CORIN: variants seen among roughly 807,000 people sequenced by gnomAD.
CORIN encodes the protein atrial natriuretic peptide-converting enzyme.
In CORIN, 117 loss-of-function variants were observed where a neutral mutation model predicts 125.3. The observed-to-expected ratio is 0.93, with a 90% CI of 0.80 to 1.09. The LOEUF (loss-of-function observed/expected upper bound fraction) is 1.09, where lower values mean the gene tolerates loss of function less well. Among genes scored for constraint, CORIN ranks in the 50% least tolerant of loss-of-function variants. The pLI is 0.00. For missense variants in CORIN, 1,253 were observed against 1,306.7 expected, an observed-to-expected ratio of 0.96 and a Z score of 0.63; for synonymous variants, 450 against 466.4, an observed-to-expected ratio of 0.96 and a Z score of 0.45.
chr4:47,821,866 G>A (rs931848655), intron 1 of CORIN, among the ~76,000 whole-genome samples: 1 of 152,148 alleles, frequency 6.6e-6, no homozygotes, highest in African/African-American at 2.4e-5. Flanking sequence ...ATTTAAAAGA[G>A]TTCTATAAAT....
At chr4:47,684,069 G>A (rs1018817089) in intron 6 of CORIN, among the ~76,000 whole-genome samples, 1 of 152,122 alleles carries the variant, frequency 6.6e-6, no homozygotes, top group African/African-American at 2.4e-5. Context: ...GTGTTTCTCT[G>A]ACTTCTATTT....
chr4:47,789,494 A>C (rs535942202), intron 2 of CORIN, among the ~76,000 whole-genome samples: 2 of 152,294 alleles, frequency 1.3e-5, no homozygotes, highest in South Asian at 4.1e-4. Context: ...GAAAGATAAT[A>C]TTTGAGAGGT....
At chr4:47,819,892 ATAAC>A (rs768343037) in intron 1 of CORIN, among the ~76,000 whole-genome samples, 1 of 152,196 alleles carries the variant, frequency 6.6e-6, no homozygotes, top group African/African-American at 2.4e-5. Flanking sequence ...AGAGGTTTTC[ATAAC>A]CTATAATCAT....
At chr4:47,817,639 T>C (rs192070256) in intron 1 of CORIN, among the ~76,000 whole-genome samples, 4 of 152,246 alleles carry the variant, frequency 2.6e-5, no homozygotes, top group African/African-American at 7.2e-5. Context: ...TGTGAGCTTC[T>C]AGTTTTGACT....
At chr4:47,712,206 A>T (rs1425407210) in intron 5 of CORIN, among the ~76,000 whole-genome samples, 1 of 152,236 alleles carries the variant, frequency 6.6e-6, no homozygotes, top group African/African-American at 2.4e-5. Context: ...ATATAGTCAT[A>T]ATTAACATAA....
At chr4:47,617,761 A>T (rs952117479) in intron 19 of CORIN, among the ~76,000 whole-genome samples, 3 of 152,218 alleles carry the variant, frequency 2.0e-5, no homozygotes, top group Non-Finnish European at 4.4e-5. Flanking sequence ...TAGAAGATAA[A>T]GAAGTAGGCA....
intron 5 of CORIN, among the ~76,000 whole-genome samples, chr4:47,699,907 C>G (rs1023802862): frequency 1.3e-5 from 2 of 152,132 alleles, no homozygotes; most frequent in African/African-American, 4.8e-5. Flanking sequence ...ACATTCCACC[C>G]CTGACACCCA....
intron 19 of CORIN, among the ~76,000 whole-genome samples, chr4:47,618,618 G>A (rs1483350623): frequency 6.6e-6 from 1 of 151,980 alleles, no homozygotes; most frequent in Non-Finnish European, 1.5e-5. Context: ...AGGAGATCGA[G>A]ACCATCCTGG....
intron 9 of CORIN, among the ~76,000 whole-genome samples, chr4:47,677,657 T>G (rs1364294207): frequency 6.6e-6 from 1 of 152,218 alleles, no homozygotes; most frequent in Non-Finnish European, 1.5e-5. Flanking sequence ...ACACTAAACT[T>G]CTCTCTTTAT....
At chr4:47,661,684 C>A (rs372326959) in intron 12 of CORIN, 27 bp downstream of exon 12, 7 of 1,580,918 alleles carry the variant, frequency 4.4e-6, no homozygotes, top group Admixed American at 3.4e-5. Context: ...TGTTAGATAC[C>A]CTGCTGTAAT....
chr4:47,832,280 A>G (rs1733059195), intron 1 of CORIN, among the ~76,000 whole-genome samples: 1 of 152,194 alleles, frequency 6.6e-6, no homozygotes, highest in African/African-American at 2.4e-5. Flanking sequence ...TTATACATCA[A>G]TCTGGCCATT....
chr4:47,623,096 C>CTCTCTCTCTCTATATATATATATATA (rs771867590), intron 19 of CORIN, among the ~76,000 whole-genome samples: 1 of 102,302 alleles, frequency 9.8e-6, no homozygotes, highest in African/African-American at 4.3e-5. Context: ...CTCTCTCTCT[C>CTCTCTCTCTCTATATATATATATATA]TATATATATA....
At chr4:47,822,252 C>T (rs1191082360) in intron 1 of CORIN, among the ~76,000 whole-genome samples, 2 of 152,154 alleles carry the variant, frequency 1.3e-5, no homozygotes, top group East Asian at 1.9e-4. Flanking sequence ...CCATTTTCTT[C>T]TGACTTTTCT....
At chr4:47,630,062 G>C (rs1208144977) in intron 16 of CORIN, among the ~76,000 whole-genome samples, 1 of 152,096 alleles carries the variant, frequency 6.6e-6, no homozygotes, top group Non-Finnish European at 1.5e-5. Context: ...TTGTTACATG[G>C]ATGTTCATAC....
intron 16 of CORIN, among the ~76,000 whole-genome samples, chr4:47,630,447 G>A (rs867344382): frequency 1.3e-5 from 2 of 152,288 alleles, no homozygotes; most frequent in East Asian, 3.9e-4. Context: ...AAAAAGTCCT[G>A]TTGTGTAGAA....
intron 2 of CORIN, among the ~76,000 whole-genome samples, chr4:47,792,549 T>A (rs1731126205): frequency 6.6e-6 from 1 of 152,094 alleles, no homozygotes; most frequent in Admixed American, 6.6e-5. Flanking sequence ...CCCTTCGAGG[T>A]CTCTGGTTTG....
At chr4:47,797,084 A>G (rs1375399492) in intron 2 of CORIN, among the ~76,000 whole-genome samples, 1 of 151,830 alleles carries the variant, frequency 6.6e-6, no homozygotes, top group East Asian at 1.9e-4. Context: ...TATAACAGAC[A>G]CTCAATACAT....
At chr4:47,819,523 A>G (rs1029329299) in intron 1 of CORIN, among the ~76,000 whole-genome samples, 2 of 152,198 alleles carry the variant, frequency 1.3e-5, no homozygotes, top group African/African-American at 4.8e-5. Flanking sequence ...TACGAGGAGT[A>G]ATAAAGGCTA....
chr4:47,631,384 T>A (rs1021951144), intron 16 of CORIN, among the ~76,000 whole-genome samples: 4 of 152,076 alleles, frequency 2.6e-5, no homozygotes, highest in Non-Finnish European at 5.9e-5. Flanking sequence ...GTCCAATTAG[T>A]GGCCTTAGAT....
Sources: gnomAD v4.1 joint callset for allele counts (sites outside exome capture counted in the v4.1 genomes callset) on GRCh38, gnomAD v4.1.1 for gene constraint, MANE v1.5 for transcripts, NCBI Gene and HGNC (gene_info 2026-07-23, HGNC 2026-07-21) for gene names.